ARID4B: variants seen among roughly 807,000 people sequenced by gnomAD.
ARID4B encodes the protein AT-rich interactive domain-containing protein 4B.
A neutral mutation model predicts 147.5 loss-of-function variants in ARID4B; 26 were observed. The ratio of observed to expected loss-of-function variants is 0.18; its 90% CI spans 0.13 to 0.24. The LOEUF (loss-of-function observed/expected upper bound fraction) is 0.24, where lower values mean the gene tolerates loss of function less well. Ranked by LOEUF, ARID4B falls within the 10% of genes least tolerant of loss-of-function variation. The pLI is 1.00. For missense variants in ARID4B, 1,179 were observed against 1,511.5 expected (o/e 0.78, Z 3.65); for synonymous variants, 512 against 507.9 (o/e 1.01, Z -0.11).
chr1:235,272,929 A>C (rs1239744337), intron 2 of ARID4B, among the ~76,000 whole-genome samples: 1 of 152,238 alleles, frequency 6.6e-6, no homozygotes, highest in African/African-American at 2.4e-5. Flanking sequence ...TAAGCAGCTA[A>C]GCTTATGAGT....
chr1:235,169,474 C>A (rs1196177595), intron 23 of ARID4B, among the ~76,000 whole-genome samples: 1 of 151,834 alleles, frequency 6.6e-6, no homozygotes, highest in Non-Finnish European at 1.5e-5. Context: ...ATCTCCTGAC[C>A]TCATGATCCG....
chr1:235,277,567 A>C (rs1671402677), intron 2 of ARID4B, among the ~76,000 whole-genome samples: 1 of 150,116 alleles, frequency 6.7e-6, no homozygotes, highest in African/African-American at 2.5e-5. Flanking sequence ...ATAATAATGT[A>C]AATGAGACCA....
At position 235,213,918 on chromosome 1, in the gene ARID4B, C is replaced by T. The variant is rs762305645; in HGVS notation, c.1692G>A (p.Glu564=). The change falls in exon 17 of 24, where the codon GAG becomes GAA. Residue 564 remains glutamate (E), a synonymous_variant. Transcript: ENST00000264183. ...TGCCTGGTGGATAGCACTCAAACTCCTCTTCCTCATTGTTGTCATCATCAT... is the reference window on the plus strand; with the variant it reads ...TGCCTGGTGGATAGCACTCAAACTCTTCTTCCTCATTGTTGTCATCATCAT... ...DEDDDDNNEE[E]EFECYPPGMK... is the part of the protein sequence containing the mutation. 3 of 1,614,022 alleles carry T rather than the reference C, an allele frequency of 1.9e-6. No individual in the cohort carries two copies. The highest frequency in any genetic ancestry group is 2.5e-6 in the Non-Finnish European group (3 of 1,179,940).
At chr1:235,226,804 G>A (rs1369184587) in intron 11 of ARID4B, among the ~76,000 whole-genome samples, 6 of 151,766 alleles carry the variant, frequency 4.0e-5, no homozygotes, top group Non-Finnish European at 8.8e-5. Context: ...GATTACAGGC[G>A]TGAGCCACCG....
intron 2 of ARID4B, among the ~76,000 whole-genome samples, chr1:235,325,853 C>A (rs1386794776): frequency 6.6e-6 from 1 of 152,206 alleles, no homozygotes; most frequent in Non-Finnish European, 1.5e-5. Flanking sequence ...GTAGCCACAG[C>A]TTTTACCTTC....
At chr1:235,308,931 C>T (rs1484162416) in intron 2 of ARID4B, among the ~76,000 whole-genome samples, 3 of 151,610 alleles carry the variant, frequency 2.0e-5, no homozygotes, top group Non-Finnish European at 2.9e-5. Flanking sequence ...TCTGCCTGGC[C>T]GCCCATCGTC....
At chr1:235,188,077 C>T (rs1382037961) in intron 19 of ARID4B, among the ~76,000 whole-genome samples, 12 of 151,158 alleles carry the variant, frequency 7.9e-5, no homozygotes, top group African/African-American at 2.9e-4. Context: ...ATGTGAGTGT[C>T]TATTACACAT....
intron 20 of ARID4B, 76 bp downstream of exon 20, chr1:235,181,509 A>C: frequency 4.6e-6 from 7 of 1,508,130 alleles, no homozygotes; most frequent in African/African-American, 1.4e-5. Flanking sequence ...GGTTATAACA[A>C]GAGATACTGT....
Position 235,181,970 on chromosome 1 carries a change from T to C in ARID4B, c.2949A>G (p.Glu983=), listed in dbSNP as rs749157143. 1.9e-6 allele frequency: 3 copies of C among 1,614,044 alleles called. No homozygotes were observed. Among genetic ancestry groups the C allele is most frequent in the South Asian group, 1.1e-5 (1 of 91,068 alleles). ...CATTGACTGGAGGTGGTTTTTCTAG[T>C]TCTACACTGGGTGAACAACTCTCCT... The part of the protein sequence containing the change: ...AEEESCSPSV[E]LEKPPPVNVD... Residue 983 remains glutamate, a synonymous_variant, in exon 20 of 24, where the codon GAA becomes GAG. Coordinates refer to ENST00000264183, the MANE Select transcript of ARID4B (RefSeq NM_016374.6).
chr1:235,246,247 G>T (rs562118086), intron 7 of ARID4B, among the ~76,000 whole-genome samples, 173 bp downstream of exon 7: 1 of 152,318 alleles, frequency 6.6e-6, no homozygotes, highest in East Asian at 1.9e-4. Flanking sequence ...AAGGTTGGCT[G>T]AGCATGGAGA....
intron 2 of ARID4B, among the ~76,000 whole-genome samples, chr1:235,265,757 T>A (rs1670565001): frequency 1.3e-5 from 2 of 151,916 alleles, no homozygotes; most frequent in Admixed American, 1.3e-4. Context: ...TAGCTTCAAA[T>A]CTATCCCTTA....
chr1:235,182,588 T>C lies in ARID4B; in HGVS notation c.2331A>G (p.Lys777=), dbSNP rs775860599. ...TATCTTTCCTTAATCTTTCTGGAGA[T>C]TTTGACACTGGTTTGGATATTACCA... The part of the protein sequence containing the change: ...ADLVISKPVS[K]SPERLRKDIE... The change falls in exon 20 of 24, where the codon AAA becomes AAG. Residue 777 remains lysine (K), a synonymous_variant. Coordinates refer to ENST00000264183, the MANE Select transcript of ARID4B (RefSeq NM_016374.6). 11 of 1,612,878 alleles carry C rather than the reference T, an allele frequency of 6.8e-6. No individual in the cohort carries two copies. The highest frequency in any genetic ancestry group is 9.3e-6 in the Non-Finnish European group (11 of 1,179,748).
chr1:235,230,100 T>C (rs1668103864), intron 10 of ARID4B, among the ~76,000 whole-genome samples: 1 of 152,194 alleles, frequency 6.6e-6, no homozygotes, highest in South Asian at 2.1e-4. Flanking sequence ...CATTCATTAG[T>C]GAGAAATACC....
chr1:235,268,555 G>A (rs1670764275), intron 2 of ARID4B, among the ~76,000 whole-genome samples: 1 of 152,164 alleles, frequency 6.6e-6, no homozygotes, highest in African/African-American at 2.4e-5. Flanking sequence ...TTGAGATGGA[G>A]TCTTGCTCTG....
chr1:235,321,029 G>A (rs372556833), intron 2 of ARID4B, among the ~76,000 whole-genome samples: 4 of 152,130 alleles, frequency 2.6e-5, no homozygotes, highest in East Asian at 1.9e-4. Flanking sequence ...TAAACTCCAC[G>A]AGGGTAAGAA....
chr1:235,234,297 T>A (rs958907928), intron 9 of ARID4B, 116 bp downstream of exon 9: 16 of 680,564 alleles, frequency 2.4e-5, no homozygotes, highest in Admixed American at 2.2e-4. Context: ...TTCTGTATGA[T>A]GAAAAATAAA....
At chr1:235,222,496 G>A (rs1412700542) in intron 13 of ARID4B, among the ~76,000 whole-genome samples, 2 of 151,746 alleles carry the variant, frequency 1.3e-5, no homozygotes, top group African/African-American at 4.8e-5. Context: ...ATTCTGAAAG[G>A]GATTAAGAAT....
In ARID4B at chr1:235,175,307, T is replaced by G; in HGVS notation, c.3541A>C (p.Ser1181Arg). Reference sequence around the variant, plus strand: ...TGCGTCCTTGCGGGAGATTTGGTACTATGAGACTTCATTCCAGTGGAAACT... The same window carrying G: ...TGCGTCCTTGCGGGAGATTTGGTACGATGAGACTTCATTCCAGTGGAAACT... The part of the protein sequence containing the change: ...KSVSTGMKSH[S>R]TKSPARTQSP... The change falls in exon 22 of 24, where the codon AGT (serine) becomes CGT (arginine). Residue 1181 changes from serine (S) to arginine (R), a missense_variant. Physicochemically the swap from Ser to Arg is moderately radical, Grantham distance 110. This residue lies in a region of ARID4B where 357 missense variants were observed against 427.3 expected (regional missense o/e 0.84). Coordinates refer to ENST00000264183, the MANE Select transcript of ARID4B (RefSeq NM_016374.6). The G allele has an allele frequency of 2.5e-6, 4 of 1,614,152 alleles. No homozygotes were observed. The highest frequency in any genetic ancestry group is 3.4e-6 in the Non-Finnish European group (4 of 1,179,972).
At chr1:235,273,047 T>C (rs183971276) in intron 2 of ARID4B, among the ~76,000 whole-genome samples, 1 of 152,350 alleles carries the variant, frequency 6.6e-6, no homozygotes, top group Non-Finnish European at 1.5e-5. Context: ...AGAAATGTTT[T>C]CTGAAATCTC....
Sources: gnomAD v4.1 joint callset for allele counts (sites outside exome capture counted in the v4.1 genomes callset) on GRCh38, gnomAD v4.1.1 for gene constraint, gnomAD v4.1.1 regional missense constraint, MANE v1.5 for transcripts, NCBI Gene and HGNC (gene_info 2026-07-23, HGNC 2026-07-21) for gene names.